Variants in FAT4 observed in about 807,000 individuals in gnomAD.
FAT4 encodes protocadherin Fat 4.
Under a neutral mutation model 303.9 loss-of-function variants are expected in FAT4, and 84 were observed. The ratio of observed to expected loss-of-function variants is 0.28; its 90% CI spans 0.23 to 0.33. The LOEUF (loss-of-function observed/expected upper bound fraction) is 0.33, where lower values mean the gene tolerates loss of function less well. Ranked by LOEUF, FAT4 falls within the 10% of genes least tolerant of loss-of-function variation. The pLI is 1.00. For missense variants in FAT4, 6,005 were observed against 6,146.8 expected (o/e 0.98, Z 0.77); for synonymous variants, 2,307 against 2,298.8 (o/e 1.00, Z -0.10).
chr4:125,393,774 A>G (rs1489004443), intron 2 of FAT4, among the ~76,000 whole-genome samples: 1 of 152,206 alleles, frequency 6.6e-6, no homozygotes, highest in Non-Finnish European at 1.5e-5. Flanking sequence ...TTACTTTTAT[A>G]AAATTACCAA....
chr4:125,450,467 G>A lies in FAT4; in HGVS notation c.9457G>A (p.Ala3153Thr). The A allele has an allele frequency of 6.2e-7, 1 of 1,614,062 alleles. No homozygotes were observed. Among genetic ancestry groups the A allele is most frequent in the Non-Finnish European group, 8.5e-7 (1 of 1,180,000 alleles). ...TACAGGTATATTAACACTAGCCAAA[G>A]CTCTTGATTATGAGCTATGCCAGAA... ...SSTGILTLAK[A>T]LDYELCQKHE... Residue 3153 changes from alanine (A) to threonine (T), a missense_variant, in exon 10 of 18, where the codon GCT becomes ACT. Physicochemically the swap from Ala to Thr is moderately conservative, Grantham distance 58. Transcript: ENST00000394329.
rs1352379779 is a variant in FAT4, at chr4:125,315,174, C to T, written c.-816C>T. ...GAGAAGGGCTCGCGGAGCCCTAGCT[C>T]CACCGCAGTCCAACCTTCGGCCCCG... On this transcript the variant is annotated 5_prime_UTR_variant, in exon 1 of 18. Coordinates refer to ENST00000394329, the MANE Select transcript of FAT4 (RefSeq NM_001291303.3). 6.6e-6 allele frequency among the ~76,000 whole-genome samples: 1 copy of T among 151,942 alleles called. No homozygotes were observed. The highest frequency in any genetic ancestry group is 2.4e-5 in the African/African-American group (1 of 41,382).
intron 2 of FAT4, among the ~76,000 whole-genome samples, chr4:125,348,764 G>A (rs1291648810): frequency 2.6e-5 from 4 of 151,542 alleles, no homozygotes; most frequent in African/African-American, 7.3e-5. Context: ...GATCGAAGCC[G>A]ACATCTTTTT....
rs1389907767 is a variant in FAT4 at position 125,320,967 on chromosome 4, T to C, written c.4556T>C (p.Val1519Ala). 6.2e-7 allele frequency: 1 copy of C among 1,614,214 alleles called. No homozygotes were observed. The highest frequency in any genetic ancestry group is 1.1e-5 in the South Asian group (1 of 91,084). The change falls in exon 2 of 18, where the codon GTT (valine) becomes GCT (alanine). Residue 1519 changes from valine (V) to alanine (A), a missense_variant. Coordinates refer to ENST00000394329, the MANE Select transcript of FAT4 (RefSeq NM_001291303.3). ...GCTTTGAAGAACGTGACCATTTTGGTTACAGACCTCAATGACAATGTCCCA... is the reference window on the plus strand; with the variant it reads ...GCTTTGAAGAACGTGACCATTTTGGCTACAGACCTCAATGACAATGTCCCA... The part of the protein sequence containing the change: ...RYALKNVTIL[V>A]TDLNDNVPMF...
At chr4:125,384,913 A>G (rs1227900436) in intron 2 of FAT4, among the ~76,000 whole-genome samples, 1 of 150,774 alleles carries the variant, frequency 6.6e-6, no homozygotes, top group African/African-American at 2.4e-5. Flanking sequence ...ATTTAACACT[A>G]CTCAGTAACA....
intron 14 of FAT4, among the ~76,000 whole-genome samples, chr4:125,478,369 C>T (rs1227559939): frequency 6.6e-6 from 1 of 152,124 alleles, no homozygotes; most frequent in Admixed American, 6.5e-5. Flanking sequence ...TTTATATCTC[C>T]GTGTTCACAC....
chr4:125,315,276 C>T lies in FAT4; in HGVS notation c.-714C>T, dbSNP rs1376137091. 2.0e-5 allele frequency among the ~76,000 whole-genome samples: 3 copies of T among 152,124 alleles called. No individual in the cohort carries two copies. Among genetic ancestry groups the T allele is most frequent in the Non-Finnish European group, 4.4e-5 (3 of 68,026 alleles). On this transcript the variant is annotated 5_prime_UTR_variant, in exon 1 of 18. Transcript: ENST00000394329. ...TCACTACAGCCCAGCGCCGACTTCG[C>T]CGCCTCCGCTGCCAACTGTGAAGGA...
rs200472441 is a variant in FAT4, at chr4:125,321,547, A to G, written c.5136A>G (p.Ile1712Met). The change falls in exon 2 of 18, where the codon ATA (isoleucine) becomes ATG (methionine). Residue 1712 changes from isoleucine to methionine, a missense_variant. Coordinates refer to ENST00000394329, the MANE Select transcript of FAT4 (RefSeq NM_001291303.3). Reference sequence around the variant, plus strand: ...TTTACCTGGTGGATGTTTATGCCATAGAAAAATCAACTGCTTTTCCCAGAA... The same window carrying G: ...TTTACCTGGTGGATGTTTATGCCATGGAAAAATCAACTGCTTTTCCCAGAA... ...ACLYLVDVYA[I>M]EKSTAFPRTQ... The G allele has an allele frequency of 6.2e-7, 1 of 1,612,372 alleles. No homozygotes were observed. Among genetic ancestry groups the G allele is most frequent in the Non-Finnish European group, 8.5e-7 (1 of 1,179,190 alleles).
At chr4:125,328,294 C>T (rs13146236) in intron 2 of FAT4, among the ~76,000 whole-genome samples, 8,299 of 152,170 alleles carry the variant, frequency 0.055, 389 homozygotes, top group Non-Finnish European at 0.073. Flanking sequence ...TATATTAACA[C>T]GTATGCCCCC....
Position 125,318,048 on chromosome 4 carries a change from C to T in FAT4, c.1637C>T (p.Ser546Phe), listed in dbSNP as rs750578772. Reference protein sequence around the residue: ...SSGGLDRELASQIVLNISARD... With the variant: ...SSGGLDRELAFQIVLNISARD... Reference sequence around the variant, plus strand: ...GGGGGCCTGGACCGTGAACTTGCTTCCCAGATTGTTCTGAATATAAGTGCC... The same window carrying T: ...GGGGGCCTGGACCGTGAACTTGCTTTCCAGATTGTTCTGAATATAAGTGCC... The change falls in exon 2 of 18, where the codon TCC (serine) becomes TTC (phenylalanine). Residue 546 changes from serine to phenylalanine, a missense_variant. Ser to Phe is a radical substitution (Grantham distance 155). Coordinates refer to ENST00000394329, the MANE Select transcript of FAT4 (RefSeq NM_001291303.3). The T allele has an allele frequency of 1.9e-6, 3 of 1,614,036 alleles. No homozygotes were observed. The highest frequency in any genetic ancestry group is 2.5e-6 in the Non-Finnish European group (3 of 1,180,040).
At chr4:125,335,825 C>A (rs1470198150) in intron 2 of FAT4, among the ~76,000 whole-genome samples, 1 of 152,018 alleles carries the variant, frequency 6.6e-6, no homozygotes, top group African/African-American at 2.4e-5. Flanking sequence ...AGAAGCCAAA[C>A]TTCTCTGAAC....
chr4:125,489,047 T>C (rs770026692), intron 17 of FAT4, among the ~76,000 whole-genome samples: 3 of 152,096 alleles, frequency 2.0e-5, no homozygotes, highest in Non-Finnish European at 4.4e-5. Flanking sequence ...ATGCATTAAA[T>C]AAGAGGAAAA....
chr4:125,452,945 G>T (rs1726151115), intron 10 of FAT4, 135 bp downstream of exon 10: 1 of 1,149,052 alleles, frequency 8.7e-7, no homozygotes, highest in Non-Finnish European at 1.2e-6. Context: ...AACATTTACT[G>T]TTGGTCAAAT....
intron 8 of FAT4, among the ~76,000 whole-genome samples, chr4:125,437,394 A>C (rs1176477048): frequency 6.6e-6 from 1 of 152,242 alleles, no homozygotes; most frequent in African/African-American, 2.4e-5. Context: ...AATGCAGGAC[A>C]GAATGAATTA....
chr4:125,477,951 C>T (rs1727090060), intron 14 of FAT4, among the ~76,000 whole-genome samples: 1 of 152,090 alleles, frequency 6.6e-6, no homozygotes, highest in Non-Finnish European at 1.5e-5. Context: ...AACCTATAAT[C>T]TAACCACCCA....
intron 12 of FAT4, among the ~76,000 whole-genome samples, chr4:125,475,900 TC>T (rs1444903364): frequency 2.0e-5 from 3 of 152,126 alleles, no homozygotes; most frequent in Non-Finnish European, 2.9e-5. Context: ...TTATCTTTTT[TC>T]ACCTATAAAA....
At chr4:125,352,292 A>T (rs932449370) in intron 2 of FAT4, among the ~76,000 whole-genome samples, 8 of 151,552 alleles carry the variant, frequency 5.3e-5, no homozygotes, top group African/African-American at 1.9e-4. Flanking sequence ...GCTGAAAAAA[A>T]CCTCAAGGGC....
intron 2 of FAT4, among the ~76,000 whole-genome samples, chr4:125,385,505 T>C (rs1282163934): frequency 6.6e-6 from 1 of 152,198 alleles, no homozygotes; most frequent in Non-Finnish European, 1.5e-5. Context: ...TTCCAGTTTT[T>C]TTCCATAGAA....
At chr4:125,423,031 A>G (rs1724961284) in intron 7 of FAT4, among the ~76,000 whole-genome samples, 2 of 152,252 alleles carry the variant, frequency 1.3e-5, no homozygotes, top group South Asian at 4.1e-4. Context: ...CTGGAGAGAG[A>G]TGATTTAAGG....
Sources: gnomAD v4.1 joint callset for allele counts (sites outside exome capture counted in the v4.1 genomes callset) on GRCh38, gnomAD v4.1.1 for gene constraint, MANE v1.5 for transcripts, NCBI Gene and HGNC (gene_info 2026-07-23, HGNC 2026-07-21) for gene names.